Variants in STAU2 observed in about 807,000 individuals in gnomAD.
The protein encoded by STAU2 is staufen double-stranded RNA binding protein 2.
A neutral mutation model predicts 65.9 loss-of-function variants in STAU2; 20 were observed. That is an observed-to-expected ratio of 0.30 (90% CI 0.21 to 0.44). STAU2 has a LOEUF of 0.44. Ranked by LOEUF, STAU2 falls within the 20% of genes least tolerant of loss-of-function variation. The pLI is 1.00. For synonymous variants in STAU2, 232 were observed against 233.9 expected (o/e 0.99, Z 0.07); for missense variants, 558 against 683.9 (o/e 0.82, Z 2.05).
chr8:73,444,049 C>T (rs1484536147), intron 13 of STAU2, among the ~76,000 whole-genome samples: 7 of 152,080 alleles, frequency 4.6e-5, no homozygotes, highest in Admixed American at 4.6e-4. Flanking sequence ...GCATTATCGT[C>T]CTCTCCTTTT....
At chr8:73,735,407 G>A (rs1233084382) in intron 3 of STAU2, among the ~76,000 whole-genome samples, 2 of 152,042 alleles carry the variant, frequency 1.3e-5, no homozygotes, top group Non-Finnish European at 2.9e-5. Context: ...ACAAGAAGGG[G>A]GGGTCTCTTA....
chr8:73,456,627 G>A (rs190670381), intron 13 of STAU2, among the ~76,000 whole-genome samples: 10 of 152,246 alleles, frequency 6.6e-5, no homozygotes, highest in African/African-American at 1.2e-4. Context: ...GCCCATATTC[G>A]GAGGTCTTGG....
intron 6 of STAU2, among the ~76,000 whole-genome samples, chr8:73,647,831 T>A (rs1267754967): frequency 6.6e-6 from 1 of 152,186 alleles, no homozygotes; most frequent in African/African-American, 2.4e-5. Flanking sequence ...CTGTCCCACC[T>A]GGGCCTTTCA....
At chr8:73,498,300 C>G (rs188758302) in intron 13 of STAU2, among the ~76,000 whole-genome samples, 7 of 151,900 alleles carry the variant, frequency 4.6e-5, no homozygotes, top group African/African-American at 1.7e-4. Flanking sequence ...ATGGCCCATG[C>G]CCAGCACACT....
chr8:73,678,250 G>A (rs898343286), intron 5 of STAU2, among the ~76,000 whole-genome samples: 3 of 152,002 alleles, frequency 2.0e-5, no homozygotes, highest in African/African-American at 7.2e-5. Context: ...TCCCAGCTAC[G>A]TATAAAACTT....
chr8:73,685,383 T>A (rs1818730372), intron 5 of STAU2, among the ~76,000 whole-genome samples: 1 of 146,868 alleles, frequency 6.8e-6, no homozygotes. Context: ...TTTTTTTTCT[T>A]TTTTTTTTTT....
chr8:73,667,206 TACA>T (rs1414249763), intron 6 of STAU2, among the ~76,000 whole-genome samples: 15 of 152,286 alleles, frequency 9.8e-5, no homozygotes, highest in South Asian at 4.1e-4. Flanking sequence ...ATGCCTGAAT[TACA>T]ACAACATTGT....
intron 13 of STAU2, among the ~76,000 whole-genome samples, chr8:73,478,765 C>A (rs1320938385): frequency 1.3e-5 from 2 of 151,800 alleles, no homozygotes; most frequent in African/African-American, 2.4e-5. Context: ...TTCCTTCACC[C>A]CCCAAAAATC....
intron 3 of STAU2, among the ~76,000 whole-genome samples, chr8:73,714,885 C>T (rs1821132944): frequency 6.6e-6 from 1 of 152,072 alleles, no homozygotes; most frequent in African/African-American, 2.4e-5. Flanking sequence ...AGTTCCAGAC[C>T]AGCCTGGCCA....
chr8:73,628,452 T>C (rs932104549), intron 6 of STAU2, among the ~76,000 whole-genome samples: 1 of 152,190 alleles, frequency 6.6e-6, no homozygotes, highest in African/African-American at 2.4e-5. Context: ...TAAAAACTTA[T>C]GGAAAATATG....
intron 8 of STAU2, among the ~76,000 whole-genome samples, chr8:73,614,994 G>A (rs1812728168): frequency 6.6e-6 from 1 of 152,156 alleles, no homozygotes; most frequent in Non-Finnish European, 1.5e-5. Flanking sequence ...TGAGTAAGAT[G>A]TGGGAGCTTT....
chr8:73,577,441 T>TTATATATA (rs369079649), intron 12 of STAU2, among the ~76,000 whole-genome samples: 14 of 145,056 alleles, frequency 9.7e-5, no homozygotes, highest in African/African-American at 3.1e-4. Flanking sequence ...AAAAAAAAAA[T>TTATATATA]TATATATATA....
At chr8:73,525,132 T>C (rs1054274933) in intron 13 of STAU2, among the ~76,000 whole-genome samples, 13 of 152,250 alleles carry the variant, frequency 8.5e-5, no homozygotes, top group Non-Finnish European at 1.8e-4. Flanking sequence ...CCAACATTTA[T>C]TCCAGTCATT....
intron 6 of STAU2, among the ~76,000 whole-genome samples, chr8:73,672,030 A>C (rs1228536358): frequency 1.3e-5 from 2 of 152,198 alleles, no homozygotes; most frequent in Non-Finnish European, 2.9e-5. Context: ...GTCTCAAAAA[A>C]AAAGAAAGAA....
chr8:73,566,682 A>G (rs1808635716), intron 12 of STAU2, among the ~76,000 whole-genome samples: 3 of 152,190 alleles, frequency 2.0e-5, no homozygotes, highest in Non-Finnish European at 4.4e-5. Context: ...CCTTTAACTA[A>G]GAGTGTCTTT....
chr8:73,704,788 C>A (rs564291675), intron 4 of STAU2, among the ~76,000 whole-genome samples: 1 of 152,172 alleles, frequency 6.6e-6, no homozygotes, highest in Non-Finnish European at 1.5e-5. Context: ...CCTGCCTCAG[C>A]CTCCCGAGCA....
At chr8:73,582,898 G>A in intron 11 of STAU2, 68 bp from the exon 12 acceptor site, 1 of 1,456,472 alleles carries the variant, frequency 6.9e-7, no homozygotes, top group Non-Finnish European at 9.5e-7. Context: ...AAAAAAAGGT[G>A]ACCAATTAAG....
intron 3 of STAU2, among the ~76,000 whole-genome samples, chr8:73,713,342 C>G (rs776969705): frequency 2.0e-5 from 3 of 152,124 alleles, no homozygotes; most frequent in Non-Finnish European, 2.9e-5. Flanking sequence ...CAACTGTGTT[C>G]AAGTCACTGA....
At chr8:73,556,034 G>A (rs1229498825) in intron 12 of STAU2, among the ~76,000 whole-genome samples, 1 of 152,078 alleles carries the variant, frequency 6.6e-6, no homozygotes, top group Non-Finnish European at 1.5e-5. Context: ...TTGCTTTAAA[G>A]ATATGTTTTT....
Sources: gnomAD v4.1 joint callset for allele counts (sites outside exome capture counted in the v4.1 genomes callset) on GRCh38, gnomAD v4.1.1 for gene constraint, MANE v1.5 for transcripts, NCBI Gene and HGNC (gene_info 2026-07-23, HGNC 2026-07-21) for gene names.